Variants in PRDM1 observed in about 807,000 individuals in gnomAD.
PRDM1 encodes the protein PR domain zinc finger protein 1.
A neutral mutation model predicts 62.8 loss-of-function variants in PRDM1; 13 were observed. The ratio of observed to expected loss-of-function variants is 0.21; its 90% CI spans 0.13 to 0.33. The LOEUF is 0.33. PRDM1 is among the 10% of genes least tolerant of loss of function. The pLI, the probability that PRDM1 is intolerant of heterozygous loss-of-function variation, is 1.00. For missense variants in PRDM1, 895 were observed against 1,058.8 expected, an observed-to-expected ratio of 0.85 and a Z score of 2.15; for synonymous variants, 396 against 417.6, an observed-to-expected ratio of 0.95 and a Z score of 0.63.
chr6:106,094,984 G>T (rs1408893620), intron 2 of PRDM1, among the ~76,000 whole-genome samples: 1 of 150,602 alleles, frequency 6.6e-6, no homozygotes, highest in Non-Finnish European at 1.5e-5. Context: ...CAAAGTAGAA[G>T]GCCAGAGAAG....
intron 1 of PRDM1, among the ~76,000 whole-genome samples, chr6:106,000,614 A>T (rs188969192): frequency 3.6e-4 from 49 of 135,496 alleles, no homozygotes; most frequent in Non-Finnish European, 6.0e-4. Flanking sequence ...ACAGACTTTT[A>T]TATTTGTATG....
chr6:106,002,372 G>T (rs1772436405), intron 1 of PRDM1, among the ~76,000 whole-genome samples: 1 of 152,120 alleles, frequency 6.6e-6, no homozygotes, highest in South Asian at 2.1e-4. Flanking sequence ...TGTTGATGTT[G>T]CTGGGACATG....
intron 1 of PRDM1, among the ~76,000 whole-genome samples, chr6:106,073,086 T>C (rs1033966866): frequency 4.0e-5 from 6 of 151,386 alleles, no homozygotes; most frequent in African/African-American, 1.2e-4. Flanking sequence ...ACCCAGAGTA[T>C]CTCTCAATTT....
chr6:106,107,641 G>A lies in PRDM1; in HGVS notation c.*155G>A. On this transcript the variant is annotated 3_prime_UTR_variant, in exon 7 of 7. Coordinates refer to ENST00000369096, the MANE Select transcript of PRDM1 (RefSeq NM_001198.4). ...CTGGAATTAAAGAAGGAACTCCAAA[G>A]TTACTGAAATCTCAGGGCATGAACA... The A allele has an allele frequency of 4.0e-6, 2 of 497,956 alleles. No homozygotes were observed. The highest frequency in any genetic ancestry group is 6.6e-6 in the Non-Finnish European group (2 of 301,164). 30.8% of individuals were successfully genotyped at this position (497,956 alleles called of 1,614,324 possible). A position where few individuals can be genotyped will look rare whatever the true frequency, so the allele number is the denominator to read the frequency against.
At chr6:106,086,283 G>C (rs1270286876), upstream of PRDM1, 39 of 413,718 alleles carry the variant, frequency 9.4e-5, no homozygotes, top group East Asian at 1.2e-3. Flanking sequence ...CCCCCACTTC[G>C]CGCAGCCGAG....
At position 106,107,366 on chromosome 6, in the gene PRDM1, C is replaced by T. The variant is rs772163008; in HGVS notation, c.2358C>T (p.Ser786=). The change falls in exon 7 of 7, where the codon TCC becomes TCT. Residue 786 remains serine, a synonymous_variant. Transcript: ENST00000369096. ...LQRNMGNGLL[S]SGCSLYESSD... is the part of the protein sequence containing the mutation. ...GAAACATGGGGAATGGACTCCTCTC[C>T]TCAGGGTGCAGCCTTTATGAGTCAT... The T allele has an allele frequency of 1.2e-6, 2 of 1,614,182 alleles. No homozygotes were observed. Among genetic ancestry groups the T allele is most frequent in the Middle Eastern group, 1.6e-4 (1 of 6,062 alleles).
intron 1 of PRDM1, among the ~76,000 whole-genome samples, chr6:106,056,261 G>A (rs1773265465): frequency 6.6e-6 from 1 of 152,146 alleles, no homozygotes; most frequent in Admixed American, 6.6e-5. Flanking sequence ...GCAGCGAAAT[G>A]GGAGAAGCAC....
chr6:106,088,518 C>T, intron 2 of PRDM1, 69 bp downstream of exon 2: 1 of 1,561,160 alleles, frequency 6.4e-7, no homozygotes, highest in South Asian at 1.1e-5. Context: ...GCCCTTGAGG[C>T]CTTGTATATC....
chr6:106,048,015 T>C (rs1773108159), upstream of PRDM1, among the ~76,000 whole-genome samples: 1 of 152,072 alleles, frequency 6.6e-6, no homozygotes, highest in Admixed American at 6.5e-5. Flanking sequence ...AGTAAATGAG[T>C]GTATGCCTTT....
At chr6:105,993,464 C>T (rs1045114853) in exon 1 of PRDM1, among the ~76,000 whole-genome samples, 16 of 152,132 alleles carry the variant, frequency 1.1e-4, no homozygotes, top group Non-Finnish European at 2.1e-4. Flanking sequence ...GACGTTTCTC[C>T]TCGGGAAAGC....
At chr6:106,055,895 C>G (rs1439398873) in intron 1 of PRDM1, among the ~76,000 whole-genome samples, 1 of 152,166 alleles carries the variant, frequency 6.6e-6, no homozygotes, top group Non-Finnish European at 1.5e-5. Flanking sequence ...CATCACTTTA[C>G]TGAACTTGCA....
At chr6:106,028,757 G>A (rs755438044) in intron 1 of PRDM1, among the ~76,000 whole-genome samples, 2 of 151,616 alleles carry the variant, frequency 1.3e-5, no homozygotes, top group Non-Finnish European at 2.9e-5. Context: ...CCCCACCCCC[G>A]AAGTTTTCCT....
Position 106,059,072 on chromosome 6 carries a change from G to A in PRDM1, c.-67+10358G>A, listed in dbSNP as rs138448443. 8.0e-3 allele frequency among the ~76,000 whole-genome samples: 1,219 copies of A among 152,244 alleles called. 20 individuals carry two copies. The highest frequency in any genetic ancestry group is 0.028 in the African/African-American group (1,176 of 41,542). ...CATTGTCCTAAGTGCTGAAGATACA[G>A]CAGTAAAAACAACACAGACAAAACA... On this transcript the variant is annotated intron_variant, in intron 1 of 6. Coordinates refer to the PRDM1 transcript ENST00000651185.
chr6:106,032,619 G>A lies in PRDM1; in HGVS notation c.-67+38980G>A, dbSNP rs1277380297. Among the ~76,000 whole-genome samples the A allele has an allele frequency of 3.9e-5, 6 of 152,148 alleles. No homozygotes were observed. In the East Asian group the frequency reaches 1.2e-3, roughly 29 times the overall value. ...CACCCAGCTAATTTTTGTATTTTTA[G>A]TAGAGATGGGGTTCACCATGTTGGC... On this transcript the variant is annotated intron_variant, in intron 1 of 6. Coordinates refer to the PRDM1 transcript ENST00000652320.
chr6:106,084,919 T>A (rs1773763021), upstream of PRDM1, among the ~76,000 whole-genome samples: 1 of 152,146 alleles, frequency 6.6e-6, no homozygotes, highest in Admixed American at 6.5e-5. Context: ...GGGAATTTAA[T>A]TGTTCTGTAC....
intron 1 of PRDM1, among the ~76,000 whole-genome samples, chr6:105,999,049 C>A (rs1198915514): frequency 6.6e-6 from 1 of 151,366 alleles, no homozygotes; most frequent in Non-Finnish European, 1.5e-5. Flanking sequence ...GCAATCCTCC[C>A]ACCTCAGCCT....
intron 2 of PRDM1, among the ~76,000 whole-genome samples, chr6:106,092,015 G>A (rs1773976147): frequency 6.7e-6 from 1 of 149,916 alleles, no homozygotes; most frequent in Admixed American, 6.8e-5. Context: ...TAATTTAAAT[G>A]ATCTTAATGT....
chr6:106,099,165 C>CT, intron 3 of PRDM1, 135 bp from the exon 4 acceptor site: 2 of 1,604,132 alleles, frequency 1.2e-6, no homozygotes, highest in Non-Finnish European at 1.7e-6. Flanking sequence ...TCTGGCTAAA[C>CT]TGATTGGATT....
At chr6:106,100,895 T>G (rs1199917000) in intron 4 of PRDM1, among the ~76,000 whole-genome samples, 1 of 152,150 alleles carries the variant, frequency 6.6e-6, no homozygotes, top group African/African-American at 2.4e-5. Context: ...AATTAGGTCC[T>G]GACCAAAAAG....
Sources: gnomAD v4.1 joint callset for allele counts (sites outside exome capture counted in the v4.1 genomes callset) on GRCh38, gnomAD v4.1.1 for gene constraint, MANE v1.5 for transcripts, NCBI Gene and HGNC (gene_info 2026-07-23, HGNC 2026-07-21) for gene names.